Variants in SERPINB12 observed in about 807,000 individuals in gnomAD.
The protein encoded by SERPINB12 is serpin family B member 12, also known as serpin B12.
A neutral mutation model predicts 41.1 loss-of-function variants in SERPINB12; 57 were observed. The observed-to-expected ratio is 1.39, with a 90% confidence interval of 1.12 to 1.73. The LOEUF (loss-of-function observed/expected upper bound fraction) is 1.73. Among genes scored for constraint, SERPINB12 ranks in the 40% most tolerant of loss-of-function variants. The probability of loss-of-function intolerance (pLI) is 0.00; values close to 1 mark genes in which losing one functional copy is unlikely to be tolerated. For missense variants in SERPINB12, 536 were observed against 501.9 expected, an observed-to-expected ratio of 1.07 and a Z score of -0.65; for synonymous variants, 180 against 181.3, an observed-to-expected ratio of 0.99 and a Z score of 0.06.
chr18:63,557,937 T>C (rs992836029), intron 2 of SERPINB12, among the ~76,000 whole-genome samples: 4 of 152,222 alleles, frequency 2.6e-5, no homozygotes, highest in African/African-American at 9.6e-5. Flanking sequence ...TTTAACCTAG[T>C]ATATGCAAAA....
chr18:63,526,648 G>A, the SERPINB12 span, among the ~76,000 whole-genome samples: 1 of 152,174 alleles, frequency 6.6e-6, no homozygotes, highest in Non-Finnish European at 1.5e-5. Flanking sequence ...ATCTTATGAA[G>A]GCTGTGGACC....
the SERPINB12 span, among the ~76,000 whole-genome samples, chr18:63,532,477 T>C: frequency 6.6e-6 from 1 of 152,104 alleles, no homozygotes; most frequent in Non-Finnish European, 1.5e-5. Flanking sequence ...GGGTTTGGGG[T>C]ACAGCAAGAG....
At chr18:63,545,831 G>C (rs1410505076) in intron 1 of SERPINB12, among the ~76,000 whole-genome samples, 1 of 151,948 alleles carries the variant, frequency 6.6e-6, no homozygotes, top group African/African-American at 2.4e-5. Context: ...CCAAACTCTT[G>C]CAAATCATAA....
At chr18:63,546,134 G>A (rs1174089190) in intron 1 of SERPINB12, among the ~76,000 whole-genome samples, 1 of 152,048 alleles carries the variant, frequency 6.6e-6, no homozygotes, top group Non-Finnish European at 1.5e-5. Flanking sequence ...GTATTTGTAG[G>A]GTCATGGTTC....
chr18:63,547,961 G>A (rs1204874759), intron 1 of SERPINB12, among the ~76,000 whole-genome samples: 4 of 152,112 alleles, frequency 2.6e-5, no homozygotes, highest in African/African-American at 9.7e-5. Context: ...GTTCTCATGT[G>A]CTACCATTGT....
At chr18:63,540,554 G>C (rs141991880), upstream of SERPINB12, among the ~76,000 whole-genome samples, 2 of 152,252 alleles carry the variant, frequency 1.3e-5, no homozygotes, top group East Asian at 3.9e-4. Flanking sequence ...TCTATGGCAA[G>C]GAAGTAATCT....
At chr18:63,525,372 G>A in the SERPINB12 span, among the ~76,000 whole-genome samples, 1 of 152,070 alleles carries the variant, frequency 6.6e-6, no homozygotes, top group African/African-American at 2.4e-5. Context: ...AACCTTAGAA[G>A]TGAGCAGTTT....
intron 3 of SERPINB12, among the ~76,000 whole-genome samples, 164 bp downstream of exon 3, chr18:63,558,650 T>G (rs920841016): frequency 2.0e-5 from 3 of 152,254 alleles, no homozygotes; most frequent in Non-Finnish European, 4.4e-5. Context: ...GGATCTCAGA[T>G]GTCCTTGGCT....
Position 63,556,124 on chromosome 18 carries a change from C to CT in SERPINB12, c.-18-9dup, listed in dbSNP as rs747434497. The stretch of plus-strand genomic sequence containing the variant: ...TTCCAATCACCATTTTCTCTTTCTC[C>CT]TTTTTTTTTGGTTTTAGATCGTTAT... On this transcript the variant is annotated splice_polypyrimidine_tract_variant and intron_variant, in intron 1 of 7. Coordinates refer to ENST00000382768, the MANE Select transcript of SERPINB12 (RefSeq NM_001307928.2). 5.2e-4 allele frequency: 785 copies of CT among 1,500,720 alleles called. No homozygotes were observed. The highest frequency in any genetic ancestry group is 8.1e-4 in the South Asian group (66 of 81,522). 93.0% of individuals were successfully genotyped at this position (1,500,720 alleles called of 1,614,324 possible).
chr18:63,561,276 G>A (rs1910901419), intron 5 of SERPINB12, 74 bp downstream of exon 5: 1 of 866,182 alleles, frequency 1.2e-6, no homozygotes. Context: ...TAGCTTTGCA[G>A]ACTGCTGGTC....
chr18:63,535,739 G>C, the SERPINB12 span, among the ~76,000 whole-genome samples: 1 of 152,178 alleles, frequency 6.6e-6, no homozygotes, highest in African/African-American at 2.4e-5. Context: ...GGTTGGGTAA[G>C]AGCATGCCGT....
chr18:63,527,568 TTTTTTATACTAG>T, the SERPINB12 span, among the ~76,000 whole-genome samples: 497 of 152,306 alleles, frequency 3.3e-3, 5 homozygotes, highest in African/African-American at 0.011. Context: ...AGTGAGCTGC[TTTTTTATACTAG>T]TTTTTATACT....
At chr18:63,533,902 G>A in the SERPINB12 span, among the ~76,000 whole-genome samples, 184 of 55,000 alleles carry the variant, frequency 3.3e-3, no homozygotes, top group African/African-American at 0.011. Flanking sequence ...CTGAGAAATA[G>A]GCATAAAGAG....
upstream of SERPINB12, among the ~76,000 whole-genome samples, chr18:63,538,607 G>A (rs1254595472): frequency 1.3e-5 from 2 of 152,238 alleles, no homozygotes; most frequent in East Asian, 3.9e-4. Context: ...GGATATTTGA[G>A]TTGTTTTTTC....
At chr18:63,532,299 CATAG>C in the SERPINB12 span, among the ~76,000 whole-genome samples, 1 of 152,182 alleles carries the variant, frequency 6.6e-6, no homozygotes, top group Admixed American at 6.5e-5. Context: ...AAATACTCCC[CATAG>C]ATATTTTAAT....
In SERPINB12 at chr18:63,564,238, G is replaced by A. The variant is rs183227398; in HGVS notation, c.705+118G>A. 662 of 1,102,956 alleles carry A rather than the reference G, an allele frequency of 6.0e-4. 2 individuals carry two copies. The highest frequency in any genetic ancestry group is 3.1e-4 in the Non-Finnish European group (236 of 768,138). The allele number at this position is 1,102,956 out of a possible 1,614,324, so 68.3% of individuals were successfully genotyped here. Reference sequence around the variant, plus strand: ...TACATTTACAATAAGAACATTTTTCGTTGATAAGAACCAGTACCTGAATTT... The same window carrying A: ...TACATTTACAATAAGAACATTTTTCATTGATAAGAACCAGTACCTGAATTT... On this transcript the variant is annotated intron_variant, in intron 6 of 7. Coordinates refer to ENST00000382768, the MANE Select transcript of SERPINB12 (RefSeq NM_001307928.2).
chr18:63,545,314 G>A (rs553684578), intron 1 of SERPINB12, among the ~76,000 whole-genome samples: 3 of 151,880 alleles, frequency 2.0e-5, no homozygotes, highest in Non-Finnish European at 2.9e-5. Context: ...TTGAAGTCAC[G>A]GGTACTAGAG....
chr18:63,564,808 AGCTGGCAGGGCGTGTTTCT>A lies in SERPINB12; in HGVS notation c.706-632_706-614del, dbSNP rs1911037685. ...GCTGGGATAGGCCCTACAGTGGGACAGCTGGCAGGGCGTGTTTCTGCTGACTTAACAGTGGAGATGCTTT... is the reference window on the plus strand; with the variant it reads ...GCTGGGATAGGCCCTACAGTGGGACAGCTGACTTAACAGTGGAGATGCTTT... On this transcript the variant is annotated intron_variant, in intron 6 of 7. Transcript: ENST00000382768. 2.6e-5 allele frequency among the ~76,000 whole-genome samples: 4 copies of A among 152,330 alleles called. No individual in the cohort carries two copies. In the South Asian group the frequency reaches 8.3e-4, roughly 32 times the overall value.
chr18:63,556,069 T>A, intron 1 of SERPINB12, 73 bp from the exon 2 acceptor site: 1 of 1,099,656 alleles, frequency 9.1e-7, no homozygotes, highest in South Asian at 1.5e-5. Flanking sequence ...TTCAGGTATG[T>A]AAAATAAAAT....
Sources: allele counts gnomAD v4.1 joint callset (sites outside exome capture counted in the v4.1 genomes callset), GRCh38; gene constraint gnomAD v4.1.1; transcripts MANE v1.5; gene names NCBI Gene and HGNC (gene_info 2026-07-23, HGNC 2026-07-21).